The following CADM1 variants were observed in gnomAD, a reference collection of about 807,000 sequenced individuals.
CADM1 encodes the protein cell adhesion molecule 1.
Under a neutral mutation model 53.1 loss-of-function variants are expected in CADM1, and 15 were observed. That is an observed-to-expected ratio of 0.28 (90% confidence interval 0.19 to 0.44). CADM1 has a LOEUF of 0.44. Ranked by LOEUF, CADM1 falls within the 20% of genes least tolerant of loss-of-function variation. The pLI, the probability that CADM1 is intolerant of heterozygous loss-of-function variation, is 1.00. For missense variants in CADM1, 434 were observed against 611.3 expected (o/e 0.71, Z 3.06); for synonymous variants, 281 against 243.0 (o/e 1.16, Z -1.45).
intron 8 of CADM1, among the ~76,000 whole-genome samples, chr11:115,206,947 T>C (rs1383397519): frequency 1.3e-5 from 2 of 151,890 alleles, no homozygotes; most frequent in African/African-American, 4.8e-5. Flanking sequence ...TTTTAGGAAC[T>C]AATCTAAATC....
chr11:115,473,484 G>T (rs1949061374), intron 1 of CADM1, among the ~76,000 whole-genome samples: 1 of 152,028 alleles, frequency 6.6e-6, no homozygotes, highest in African/African-American at 2.4e-5. Flanking sequence ...TACCTCAATT[G>T]GCAGAAAGAT....
intron 1 of CADM1, among the ~76,000 whole-genome samples, chr11:115,395,425 T>C (rs978072025): frequency 1.3e-5 from 2 of 152,132 alleles, no homozygotes; most frequent in African/African-American, 4.8e-5. Flanking sequence ...ACACACATAC[T>C]CACTGCTGTT....
At chr11:115,215,426 T>C (rs1187916543) in intron 6 of CADM1, among the ~76,000 whole-genome samples, 1 of 152,150 alleles carries the variant, frequency 6.6e-6, no homozygotes, top group East Asian at 1.9e-4. Flanking sequence ...TGTCTATCTG[T>C]TCCTTGGCAA....
At chr11:115,260,659 A>C (rs186300265) in intron 1 of CADM1, among the ~76,000 whole-genome samples, 4 of 152,146 alleles carry the variant, frequency 2.6e-5, no homozygotes, top group African/African-American at 9.6e-5. Flanking sequence ...GCTTTTTTTA[A>C]ATTTTTATTT....
intron 1 of CADM1, among the ~76,000 whole-genome samples, chr11:115,250,357 G>A (rs1274955249): frequency 6.6e-6 from 1 of 152,150 alleles, no homozygotes. Flanking sequence ...AAGAGGTACT[G>A]TGATTAAACT....
intron 2 of CADM1, 56 bp from the exon 3 acceptor site, chr11:115,238,708 T>G: frequency 1.3e-6 from 2 of 1,566,346 alleles, no homozygotes; most frequent in Non-Finnish European, 1.8e-6. Flanking sequence ...ACAGTCTATT[T>G]TCCTTAATTA....
intron 1 of CADM1, among the ~76,000 whole-genome samples, chr11:115,263,552 C>T (rs1943038812): frequency 6.6e-6 from 1 of 152,146 alleles, no homozygotes; most frequent in South Asian, 2.1e-4. Context: ...GTAAGGAAGA[C>T]ATTTGTCTTT....
At chr11:115,218,072 C>G in intron 5 of CADM1, 81 bp from the exon 6 acceptor site, 1 of 904,734 alleles carries the variant, frequency 1.1e-6, no homozygotes, top group Admixed American at 1.8e-5. Flanking sequence ...GCCTCAAAAC[C>G]ACAGTACCAG....
chr11:115,246,779 G>C (rs1942422175), intron 1 of CADM1, among the ~76,000 whole-genome samples: 1 of 152,110 alleles, frequency 6.6e-6, no homozygotes, highest in East Asian at 1.9e-4. Context: ...GTATCCTATG[G>C]CATGGAGATG....
At position 115,217,776 on chromosome 11, in the gene CADM1, C is replaced by A; in HGVS notation, c.821+116G>T. 3 of 757,368 alleles carry A rather than the reference C, an allele frequency of 4.0e-6. No individual in the cohort carries two copies. In the South Asian group the frequency reaches 4.2e-5, roughly 11 times the overall value. The allele number at this position is 757,368 out of a possible 1,614,324, so 46.9% of individuals were successfully genotyped here. A position where few individuals can be genotyped will look rare whatever the true frequency, so the allele number is the denominator to read the frequency against. On this transcript the variant is annotated intron_variant, in intron 6 of 11. Coordinates refer to ENST00000331581, the MANE Select transcript of CADM1 (RefSeq NM_001301043.2). ...GAATATTCTTTAGTTCCTGAAAAAC[C>A]ATCCATCCTTTGCAGCAGGAGACAG...
chr11:115,365,164 C>T (rs910488897), intron 1 of CADM1, among the ~76,000 whole-genome samples: 1 of 152,132 alleles, frequency 6.6e-6, no homozygotes, highest in Non-Finnish European at 1.5e-5. Context: ...TGGGTTTGGT[C>T]CCAAGCCTCT....
chr11:115,410,266 C>A (rs1947426883), intron 1 of CADM1, among the ~76,000 whole-genome samples: 1 of 152,184 alleles, frequency 6.6e-6, no homozygotes, highest in South Asian at 2.1e-4. Context: ...TAGCTTCTCT[C>A]CGATAACATC....
intron 1 of CADM1, among the ~76,000 whole-genome samples, chr11:115,332,874 G>A (rs1187633151): frequency 6.6e-6 from 1 of 151,880 alleles, no homozygotes; most frequent in East Asian, 1.9e-4. Context: ...CAGAGAATGG[G>A]GGGAAAAAAG....
intron 1 of CADM1, among the ~76,000 whole-genome samples, chr11:115,244,607 G>T (rs1942350110): frequency 6.6e-6 from 1 of 152,292 alleles, no homozygotes; most frequent in Admixed American, 6.5e-5. Context: ...ATGTCATTCA[G>T]CTAAGTGGCC....
rs150875420 is a variant in CADM1 at position 115,470,066 on chromosome 11, T to C, written c.124+34205A>G. On this transcript the variant is annotated intron_variant, in intron 1 of 11. Coordinates refer to ENST00000331581, the MANE Select transcript of CADM1 (RefSeq NM_001301043.2). ...AGCAAAATAAAAAAATAGTAATGCC[T>C]ACTTTTTACTCTTATCAGCAAAATA... is the stretch of plus-strand genomic sequence containing the variant. Among the ~76,000 whole-genome samples, 226 of 152,358 alleles carry C rather than the reference T, an allele frequency of 1.5e-3. 2 individuals carry two copies. The highest frequency in any genetic ancestry group is 4.9e-3 in the African/African-American group (204 of 41,586).
At chr11:115,490,260 T>C (rs1331405902) in intron 1 of CADM1, among the ~76,000 whole-genome samples, 1 of 151,956 alleles carries the variant, frequency 6.6e-6, no homozygotes, top group Non-Finnish European at 1.5e-5. Context: ...CTATAGCTAA[T>C]ATAGGGGGAG....
intron 1 of CADM1, among the ~76,000 whole-genome samples, chr11:115,378,746 T>C (rs1015306548): frequency 6.6e-6 from 1 of 152,188 alleles, no homozygotes; most frequent in Non-Finnish European, 1.5e-5. Context: ...TATTGGAACA[T>C]AGCCATGCTC....
intron 10 of CADM1, among the ~76,000 whole-genome samples, chr11:115,189,229 C>T (rs1939724256): frequency 6.6e-6 from 1 of 152,142 alleles, no homozygotes; most frequent in Non-Finnish European, 1.5e-5. Flanking sequence ...AGAACTGCAG[C>T]AGGGACCCAT....
At chr11:115,504,167 G>A in intron 1 of CADM1, 104 bp downstream of exon 1, 1 of 1,492,952 alleles carries the variant, frequency 6.7e-7, no homozygotes, top group Non-Finnish European at 9.1e-7. Flanking sequence ...TCGGATGTAG[G>A]AAGTGGGGGG....
Sources: allele counts gnomAD v4.1 joint callset (sites outside exome capture counted in the v4.1 genomes callset), GRCh38; gene constraint gnomAD v4.1.1; transcripts MANE v1.5; gene names NCBI Gene and HGNC (gene_info 2026-07-23, HGNC 2026-07-21).